The following PTPN23 variants were observed in gnomAD, a reference collection of about 807,000 sequenced individuals.
PTPN23 encodes protein tyrosine phosphatase non-receptor type 23.
A neutral mutation model predicts 156.3 loss-of-function variants in PTPN23; 72 were observed. That is an observed-to-expected ratio of 0.46 (90% CI 0.38 to 0.56). PTPN23 has a LOEUF of 0.56. Among genes scored for constraint, PTPN23 ranks in the 20% least tolerant of loss-of-function variants. The pLI, the probability that PTPN23 is intolerant of heterozygous loss-of-function variation, is 0.00. For missense variants in PTPN23, 1,974 were observed against 2,171.5 expected (o/e 0.91, Z 1.81); for synonymous variants, 957 against 899.6 (o/e 1.06, Z -1.14).
chr3:47,398,152 C>T (rs1255937377), intron 2 of PTPN23, among the ~76,000 whole-genome samples: 1 of 152,062 alleles, frequency 6.6e-6, no homozygotes, highest in Admixed American at 6.5e-5. Context: ...AAAAATTAGT[C>T]GGGCATGGTA....
intron 15 of PTPN23, 129 bp from the exon 16 acceptor site, chr3:47,408,647 C>T: frequency 3.5e-6 from 5 of 1,421,208 alleles, no homozygotes; most frequent in Non-Finnish European, 4.8e-6. Flanking sequence ...ACCTCTTGCA[C>T]CCTGCTCAGT....
In PTPN23 at chr3:47,410,320, A is replaced by G. The variant is rs1014335331; in HGVS notation, c.2522A>G (p.His841Arg). The change falls in exon 20 of 25, where the codon CAT (histidine) becomes CGT (arginine). Residue 841 changes from histidine to arginine, a missense_variant. Physicochemically the swap from His to Arg is conservative, Grantham distance 29. Coordinates refer to ENST00000265562, the MANE Select transcript of PTPN23 (RefSeq NM_015466.4). ...LGLVPRSSPQ[H>R]GVVSSPYVGV... ...CTTGTGCCCCGATCCTCCCCACAGC[A>G]TGGCGTGGTGAGCAGTCCCTATGTG... The G allele has an allele frequency of 6.2e-6, 10 of 1,605,658 alleles. No individual in the cohort carries two copies. The African/African-American group carries it at 9.4e-5, about 15-fold the overall frequency.
chr3:47,404,738 C>A lies in PTPN23; in HGVS notation c.246C>A (p.Val82=), dbSNP rs770012830. Residue 82 remains valine, a synonymous_variant, in exon 3 of 25, where the codon GTC becomes GTA. Coordinates refer to ENST00000265562, the MANE Select transcript of PTPN23 (RefSeq NM_015466.4). ...LGQLHYLQSR[V]PMGSGQEAAV... ...AGCTTCATTACCTGCAGAGTCGGGT[C>A]CCCATGGGCTCGGGCCAGGAGGCCG... The A allele has an allele frequency of 6.8e-6, 11 of 1,613,802 alleles. No individual in the cohort carries two copies. The South Asian group carries it at 1.2e-4, about 18-fold the overall frequency.
At chr3:47,400,821 G>A (rs1014840207) in intron 2 of PTPN23, among the ~76,000 whole-genome samples, 5 of 152,140 alleles carry the variant, frequency 3.3e-5, no homozygotes, top group African/African-American at 7.2e-5. Context: ...TGATCCACCC[G>A]CCTTGGCCTC....
rs768034030 is a variant in PTPN23, at chr3:47,409,644, C to A, written c.1950-11C>A. On this transcript the variant is annotated splice_polypyrimidine_tract_variant and intron_variant, in intron 18 of 24. Coordinates refer to ENST00000265562, the MANE Select transcript of PTPN23 (RefSeq NM_015466.4). ...CATGGTTCACCTGGAGCTGGCCCTTCTGCCCACCAGGTGGAACTCCACGCT... is the reference window on the plus strand; with the variant it reads ...CATGGTTCACCTGGAGCTGGCCCTTATGCCCACCAGGTGGAACTCCACGCT... 6.2e-7 allele frequency: 1 copy of A among 1,612,678 alleles called. No individual in the cohort carries two copies. The highest frequency in any genetic ancestry group is 8.5e-7 in the Non-Finnish European group (1 of 1,179,570).
At chr3:47,391,099 T>G (rs922480708) in intron 1 of PTPN23, among the ~76,000 whole-genome samples, 1 of 152,060 alleles carries the variant, frequency 6.6e-6, no homozygotes, top group Non-Finnish European at 1.5e-5. Flanking sequence ...TAGCTGAGTA[T>G]GGTGGTATGT....
Position 47,410,722 on chromosome 3 carries a change from C to G in PTPN23, c.2924C>G (p.Pro975Arg). ...QAFGPQPPQQ[P>R]LPLQHPHLFP... ...TTTGGGCCTCAGCCCCCACAGCAGC[C>G]CCTTCCACTCCAGCATCCACATCTC... Residue 975 changes from proline (P) to arginine (R), a missense_variant, in exon 20 of 25, where the codon CCC (proline) becomes CGC (arginine). By Grantham distance (103) the Pro-to-Arg change is moderately radical. Transcript: ENST00000265562. The G allele has an allele frequency of 6.3e-7, 1 of 1,583,146 alleles. No homozygotes were observed. The highest frequency in any genetic ancestry group is 1.7e-4 in the Middle Eastern group (1 of 6,006).
intron 2 of PTPN23, among the ~76,000 whole-genome samples, chr3:47,399,897 G>A (rs534502802): frequency 1.1e-4 from 16 of 152,046 alleles, no homozygotes; most frequent in Non-Finnish European, 1.9e-4. Flanking sequence ...TCATTGCAAC[G>A]TCTGCCTCCT....
chr3:47,406,406 G>A lies in PTPN23; in HGVS notation c.627+1G>A. The A allele has an allele frequency of 6.2e-7, 1 of 1,613,998 alleles. No individual in the cohort carries two copies. The highest frequency in any genetic ancestry group is 8.5e-7 in the Non-Finnish European group (1 of 1,180,020). On this transcript the variant is annotated splice_donor_variant, in intron 7 of 24. Transcript: ENST00000265562. LOFTEE classifies it high-confidence loss of function. This position sits in a 1 kb window ranked among gnomAD's most constrained non-coding sequence, Gnocchi z 5.8. ...TCTGGTGGCCCGCATCAGTGCACAG[G>A]TAGGGACGGGGCTGAGGGGAGGCCT...
intron 2 of PTPN23, among the ~76,000 whole-genome samples, chr3:47,403,084 G>GCT (rs1705032438): frequency 6.8e-6 from 1 of 147,254 alleles, no homozygotes; most frequent in African/African-American, 2.5e-5. Context: ...ACGGAGTCTC[G>GCT]CTGTCGCCCA....
Position 47,405,687 on chromosome 3 carries a change from G to A in PTPN23, c.365-62G>A, listed in dbSNP as rs1705104369. 1.9e-5 allele frequency: 29 copies of A among 1,530,902 alleles called. No individual in the cohort carries two copies. In the South Asian group the frequency reaches 3.3e-4, roughly 17 times the overall value. The allele number at this position is 1,530,902 out of a possible 1,614,324, so 94.8% of individuals were successfully genotyped here. A position where few individuals can be genotyped will look rare whatever the true frequency, so the allele number is the denominator to read the frequency against. On this transcript the variant is annotated intron_variant, in intron 4 of 24. Coordinates refer to ENST00000265562, the MANE Select transcript of PTPN23 (RefSeq NM_015466.4). The surrounding 1 kb of genome is among the most constrained non-coding windows in gnomAD (Gnocchi z 4.7). Reference sequence around the variant, plus strand: ...TGTGGATAACAGCAGTGCCCCCTCTGTCTCACCTTCACATGGGTGTGAGCA... The same window carrying A: ...TGTGGATAACAGCAGTGCCCCCTCTATCTCACCTTCACATGGGTGTGAGCA...
intron 2 of PTPN23, among the ~76,000 whole-genome samples, chr3:47,402,683 G>GT (rs1705021220): frequency 6.6e-6 from 1 of 152,058 alleles, no homozygotes; most frequent in Non-Finnish European, 1.5e-5. Context: ...TTTTCTTTTT[G>GT]TTTATGTACC....
rs1447252853 is a variant in PTPN23 at position 47,410,570 on chromosome 3, C to T, written c.2772C>T (p.Tyr924=). The change falls in exon 20 of 25, where the codon TAC becomes TAT. Residue 924 remains tyrosine (Y), a synonymous_variant. Transcript: ENST00000265562. ...PPQPLPTPYT[Y]PAGAKQPIPA... is the part of the protein sequence containing the mutation. ...AGCCACTGCCCACGCCTTACACCTA[C>T]CCTGCAGGGGCTAAGCAACCCATCC... The T allele has an allele frequency of 3.1e-6, 5 of 1,601,276 alleles. No individual in the cohort carries two copies. In the African/African-American group the frequency reaches 4.0e-5, roughly 13 times the overall value.
At position 47,409,304 on chromosome 3, in the gene PTPN23, A is replaced by C; in HGVS notation, c.1784A>C (p.His595Pro). Residue 595 changes from histidine to proline, a missense_variant, in exon 17 of 25, where the codon CAC becomes CCC. Transcript: ENST00000265562. ...ACTGCCTCGCTGGTCACCACAGACC[A>C]CTCAGAGATGAAGGTGGGCTGGGTG... ...DITASLVTTD[H>P]SEMKKLFEEQ... is the part of the protein sequence containing the mutation. The C allele has an allele frequency of 6.2e-7, 1 of 1,613,884 alleles. No homozygotes were observed. Among genetic ancestry groups the C allele is most frequent in the Non-Finnish European group, 8.5e-7 (1 of 1,179,922 alleles).
chr3:47,400,759 A>G (rs1036817306), intron 2 of PTPN23, among the ~76,000 whole-genome samples: 2 of 151,958 alleles, frequency 1.3e-5, no homozygotes, highest in African/African-American at 4.8e-5. Flanking sequence ...TTTTTAGTAG[A>G]GACAGGGTTT....
rs1305996140 is a variant in PTPN23 at position 47,410,082 on chromosome 3, T to C, written c.2284T>C (p.Phe762Leu). The change falls in exon 20 of 25, where the codon TTC becomes CTC. Residue 762 changes from phenylalanine (F) to leucine (L), a missense_variant. Physicochemically the swap from Phe to Leu is conservative, Grantham distance 22 (BLOSUM62 0). Coordinates refer to ENST00000265562, the MANE Select transcript of PTPN23 (RefSeq NM_015466.4). ...GGCTGGCCCACGACTGCCTGACACCTTCCTGGGAAGTGCCACCCCGCTCCA... is the reference window on the plus strand; with the variant it reads ...GGCTGGCCCACGACTGCCTGACACCCTCCTGGGAAGTGCCACCCCGCTCCA... The part of the protein sequence containing the change: ...MVAGPRLPDT[F>L]LGSATPLHFP... 6.2e-7 allele frequency: 1 copy of C among 1,611,276 alleles called. No individual in the cohort carries two copies. Among genetic ancestry groups the C allele is most frequent in the South Asian group, 1.1e-5 (1 of 90,568 alleles).
chr3:47,385,049 G>A (rs1454327796), intron 1 of PTPN23, among the ~76,000 whole-genome samples: 2 of 152,034 alleles, frequency 1.3e-5, no homozygotes, highest in Non-Finnish European at 2.9e-5. Flanking sequence ...GGTATGAGCC[G>A]CCACACCCAG....
In PTPN23 at chr3:47,410,604, C is replaced by T. The variant is rs1236748257; in HGVS notation, c.2806C>T (p.His936Tyr). The change falls in exon 20 of 25, where the codon CAC becomes TAC. Residue 936 changes from histidine (H) to tyrosine (Y), a missense_variant. Transcript: ENST00000265562. Reference protein sequence around the residue: ...AGAKQPIPAQHHFSSGIPAGF... With the variant: ...AGAKQPIPAQYHFSSGIPAGF... ...GGCTAAGCAACCCATCCCGGCACAGCACCACTTCTCTTCTGGGATCCCCGC... is the reference window on the plus strand; with the variant it reads ...GGCTAAGCAACCCATCCCGGCACAGTACCACTTCTCTTCTGGGATCCCCGC... The T allele has an allele frequency of 2.5e-6, 4 of 1,612,138 alleles. No homozygotes were observed. The highest frequency in any genetic ancestry group is 1.3e-5 in the African/African-American group (1 of 74,848).
chr3:47,403,246 G>A (rs1705040447), intron 2 of PTPN23, among the ~76,000 whole-genome samples: 1 of 151,682 alleles, frequency 6.6e-6, no homozygotes, highest in Non-Finnish European at 1.5e-5. Flanking sequence ...TAGAGACGGG[G>A]TTTCACCGTG....
Sources: allele counts gnomAD v4.1 joint callset (sites outside exome capture counted in the v4.1 genomes callset), GRCh38; gene constraint gnomAD v4.1.1; non-coding constraint Gnocchi (gnomAD v3.1); transcripts MANE v1.5; gene names NCBI Gene and HGNC (gene_info 2026-07-23, HGNC 2026-07-21).